TANGO6: variants seen among roughly 807,000 people sequenced by gnomAD.
TANGO6 encodes the protein transport and Golgi organization protein 6 homolog.
In TANGO6, 90 loss-of-function variants were observed where a neutral mutation model predicts 114.2. The ratio of observed to expected loss-of-function variants is 0.79; its 90% CI spans 0.66 to 0.94. The LOEUF is 0.94. TANGO6 is among the 40% of genes least tolerant of loss of function. The pLI is 0.00. For missense variants in TANGO6, 1,274 were observed against 1,315.3 expected (o/e 0.97, Z 0.49); for synonymous variants, 477 against 509.8 (o/e 0.94, Z 0.87).
intron 15 of TANGO6, among the ~76,000 whole-genome samples, chr16:68,979,989 G>C (rs550332019): frequency 9.9e-5 from 15 of 151,810 alleles, no homozygotes; most frequent in African/African-American, 3.4e-4. Flanking sequence ...GACTACAGAT[G>C]TGTGCCACCA....
intron 14 of TANGO6, among the ~76,000 whole-genome samples, chr16:68,956,162 A>G (rs1963528278): frequency 6.6e-6 from 1 of 152,178 alleles, no homozygotes; most frequent in Non-Finnish European, 1.5e-5. Flanking sequence ...AAAAAACAAA[A>G]CAAAAAATAA....
chr16:68,967,781 T>C (rs1177786077), intron 14 of TANGO6, among the ~76,000 whole-genome samples: 5 of 152,182 alleles, frequency 3.3e-5, no homozygotes, highest in Non-Finnish European at 7.4e-5. Context: ...AGGTTAGTTT[T>C]GAGGTAGGAA....
At chr16:68,875,735 C>G (rs1962344730) in intron 5 of TANGO6, among the ~76,000 whole-genome samples, 1 of 151,326 alleles carries the variant, frequency 6.6e-6, no homozygotes, top group Non-Finnish European at 1.5e-5. Context: ...AGCCATTACA[C>G]TCCAGCCTGG....
At chr16:68,901,708 G>A (rs1283304680) in intron 8 of TANGO6, among the ~76,000 whole-genome samples, 4 of 152,004 alleles carry the variant, frequency 2.6e-5, no homozygotes, top group South Asian at 2.1e-4. Context: ...GCCTGGTCTC[G>A]AACTCCTGAC....
At chr16:68,854,069 C>T (rs1025249358) in intron 1 of TANGO6, among the ~76,000 whole-genome samples, 9 of 152,054 alleles carry the variant, frequency 5.9e-5, no homozygotes, top group Non-Finnish European at 1.3e-4. Flanking sequence ...CTGTGGCTTG[C>T]CTTTTCATTT....
At chr16:68,934,929 T>A (rs1403961538) in intron 14 of TANGO6, among the ~76,000 whole-genome samples, 1 of 152,130 alleles carries the variant, frequency 6.6e-6, no homozygotes, top group Non-Finnish European at 1.5e-5. Flanking sequence ...TTCGTTGGTG[T>A]GCAAATCAGT....
chr16:69,059,759 G>A (rs996590384), intron 17 of TANGO6, among the ~76,000 whole-genome samples: 7 of 152,072 alleles, frequency 4.6e-5, no homozygotes, highest in African/African-American at 1.4e-4. Context: ...TAATTCTCCT[G>A]GGTCAACAGG....
intron 15 of TANGO6, among the ~76,000 whole-genome samples, chr16:68,979,158 T>C (rs1218168260): frequency 6.6e-6 from 1 of 151,998 alleles, no homozygotes; most frequent in Non-Finnish European, 1.5e-5. Context: ...TGGGCTCAAG[T>C]GATCCTCCCA....
intron 14 of TANGO6, among the ~76,000 whole-genome samples, chr16:68,948,785 G>A (rs1380307057): frequency 6.6e-6 from 1 of 152,156 alleles, no homozygotes; most frequent in East Asian, 1.9e-4. Context: ...CTGTGAGTAC[G>A]TATTACCTCA....
In TANGO6 at chr16:68,872,271, C is replaced by T. The variant is rs115972275; in HGVS notation, c.995-2883C>T. Among the ~76,000 whole-genome samples the T allele has an allele frequency of 6.9e-3, 1,041 of 150,906 alleles. 15 individuals carry two copies. The highest frequency in any genetic ancestry group is 0.024 in the African/African-American group (983 of 41,256). On this transcript the variant is annotated intron_variant, in intron 4 of 17. Transcript: ENST00000261778. ...TGGTCTTGTCTTCTAATTCTGTTAT[C>T]TCTGTTTTTTTGGGGTCTGTTCTAC... is the stretch of plus-strand genomic sequence containing the variant.
intron 17 of TANGO6, among the ~76,000 whole-genome samples, chr16:69,063,179 C>T (rs1475855167): frequency 2.7e-5 from 4 of 149,366 alleles, no homozygotes; most frequent in African/African-American, 7.4e-5. Context: ...GCCAAGATCG[C>T]GCCATTACCC....
intron 1 of TANGO6, chr16:68,846,631 G>C (rs1164905816): frequency 5.7e-6 from 1 of 175,532 alleles, no homozygotes; most frequent in African/African-American, 2.4e-5. Context: ...GAGTAATTGG[G>C]ACAACAGGCA....
chr16:69,066,597 T>C (rs1479403812), intron 17 of TANGO6, among the ~76,000 whole-genome samples: 1 of 152,122 alleles, frequency 6.6e-6, no homozygotes, highest in Non-Finnish European at 1.5e-5. Context: ...GCGCCCGGAC[T>C]TCCCCTCCTA....
intron 1 of TANGO6, among the ~76,000 whole-genome samples, chr16:68,846,066 C>T (rs1013577175): frequency 6.6e-6 from 1 of 152,020 alleles, no homozygotes; most frequent in East Asian, 1.9e-4. Flanking sequence ...GCTCTTGTTG[C>T]CCAGGCTGGA....
At chr16:69,029,086 G>A (rs1291083569) in intron 16 of TANGO6, among the ~76,000 whole-genome samples, 2 of 152,098 alleles carry the variant, frequency 1.3e-5, no homozygotes, top group African/African-American at 4.8e-5. Context: ...GGAAATTGTA[G>A]CATGCTAGCA....
chr16:68,876,532 G>A (rs903919951), intron 5 of TANGO6, among the ~76,000 whole-genome samples: 2 of 151,568 alleles, frequency 1.3e-5, no homozygotes, highest in African/African-American at 4.8e-5. Flanking sequence ...CATTGATAGT[G>A]TACTTTGGCC....
At chr16:68,851,407 C>T (rs1406206063) in intron 1 of TANGO6, among the ~76,000 whole-genome samples, 1 of 152,174 alleles carries the variant, frequency 6.6e-6, no homozygotes, top group South Asian at 2.1e-4. Flanking sequence ...ATCCGCCCAC[C>T]TCGGCCTCCC....
chr16:68,860,185 G>A lies in TANGO6; in HGVS notation c.396G>A (p.Leu132=), dbSNP rs1314984713. 1.2e-6 allele frequency: 2 copies of A among 1,614,022 alleles called. No individual in the cohort carries two copies. The highest frequency in any genetic ancestry group is 4.5e-5 in the East Asian group (2 of 44,890). ...NPRTPEVAPA[L]SPDALSISQQ... ...GGACTCCGGAAGTTGCTCCTGCCCT[G>A]AGCCCCGATGCACTTAGTATCTCAC... The change falls in exon 2 of 18, where the codon CTG becomes CTA. Residue 132 remains leucine (L), a synonymous_variant. Coordinates refer to ENST00000261778, the MANE Select transcript of TANGO6 (RefSeq NM_024562.2).
intron 3 of TANGO6, among the ~76,000 whole-genome samples, chr16:68,863,450 C>CA (rs1176508961): frequency 5.9e-5 from 9 of 151,944 alleles, no homozygotes; most frequent in Non-Finnish European, 8.8e-5. Flanking sequence ...ACTAACAATA[C>CA]AAAAAAACAA....
Sources: allele counts gnomAD v4.1 joint callset (sites outside exome capture counted in the v4.1 genomes callset), GRCh38; gene constraint gnomAD v4.1.1; transcripts MANE v1.5; gene names NCBI Gene and HGNC (gene_info 2026-07-23, HGNC 2026-07-21).